AATK: variants seen among roughly 807,000 people sequenced by gnomAD.
AATK encodes the protein lemur tail kinase 1.
AATK carries 91 observed loss-of-function variants against 114.3 expected under a neutral mutation model. The observed-to-expected ratio is 0.80, with a 90% confidence interval of 0.67 to 0.95. The LOEUF is 0.95. Among genes scored for constraint, AATK ranks in the 40% least tolerant of loss-of-function variants. AATK has a pLI of 0.00. For missense variants in AATK, 2,176 were observed against 1,965.2 expected (o/e 1.11, Z -2.03); for synonymous variants, 1,075 against 916.5 (o/e 1.17, Z -3.12).
Position 81,120,025 on chromosome 17 carries a change from G to A in AATK, c.3794C>T (p.Thr1265Met), listed in dbSNP as rs1339095694. The change falls in exon 12 of 14, where the codon ACG (threonine) becomes ATG (methionine). Residue 1265 changes from threonine (T) to methionine (M), a missense_variant. By Grantham distance (81) the Thr-to-Met change is moderately conservative (BLOSUM62 -1). This residue lies in a region of AATK where 1,701 missense variants were observed against 1,394.7 expected (regional missense o/e 1.22). Coordinates refer to ENST00000326724, the MANE Select transcript of AATK (RefSeq NM_001080395.3). ...AGAGCCGGGGCTCCCCCTAAGGAAC[G>A]TAGGGGGCGATTCCTTGGCGCCCGG... The part of the protein sequence containing the change: ...PFPGAKESPP[T>M]FLRGSPGSPS... The A allele has an allele frequency of 2.1e-6, 3 of 1,453,526 alleles. No individual in the cohort carries two copies. The highest frequency in any genetic ancestry group is 2.7e-6 in the Non-Finnish European group (3 of 1,101,396). The allele number at this position is 1,453,526 out of a possible 1,614,324, so 90.0% of individuals were successfully genotyped here.
chr17:81,130,177 A>G (rs1324624673), intron 3 of AATK, among the ~76,000 whole-genome samples: 1 of 152,228 alleles, frequency 6.6e-6, no homozygotes, highest in East Asian at 1.9e-4. Flanking sequence ...GAGCCCCAAC[A>G]GGGCTGGCAG....
intron 2 of AATK, chr17:81,132,847 T>C: frequency 4.2e-6 from 1 of 235,294 alleles, no homozygotes; most frequent in Non-Finnish European, 8.9e-6. Flanking sequence ...GGTGCTGGAA[T>C]GTTCCGGGCA....
rs191727232 is a variant in AATK at position 81,138,012 on chromosome 17, G to A, written c.56-3511C>T. On this transcript the variant is annotated intron_variant, in intron 1 of 13. Transcript: ENST00000326724. ...TGCACACACCCCCACACACGTACACGCACCCACATGCACGCAAACCCACAC... is the reference window on the plus strand; with the variant it reads ...TGCACACACCCCCACACACGTACACACACCCACATGCACGCAAACCCACAC... Among the ~76,000 whole-genome samples, 35 of 134,704 alleles carry A rather than the reference G, an allele frequency of 2.6e-4. 1 individual carries two copies. Among genetic ancestry groups the A allele is most frequent in the South Asian group, 7.4e-4 (3 of 4,062 alleles). 88.4% of individuals were successfully genotyped at this position (134,704 alleles called of 152,430 possible).
chr17:81,151,678 A>C (rs1450840435), intron 1 of AATK, among the ~76,000 whole-genome samples: 1 of 152,168 alleles, frequency 6.6e-6, no homozygotes, highest in African/African-American at 2.4e-5. Context: ...ACACCGTCTC[A>C]ACACCATCAT....
chr17:81,120,175 G>C (rs1389748648), intron 11 of AATK, 26 bp downstream of exon 11: 2 of 1,545,416 alleles, frequency 1.3e-6, no homozygotes, highest in East Asian at 2.3e-5. Flanking sequence ...CCAGCCCCGG[G>C]CAGACCCCGG....
At chr17:81,131,944 G>A in intron 2 of AATK, 1 of 1,342,488 alleles carries the variant, frequency 7.4e-7, no homozygotes, top group Non-Finnish European at 9.9e-7. Context: ...CCTTCACCTG[G>A]TGGCCACACC....
chr17:81,120,572 C>T lies in AATK; in HGVS notation c.3364G>A (p.Gly1122Arg). The change falls in exon 11 of 14, where the codon GGA (glycine) becomes AGA (arginine). Residue 1122 changes from glycine to arginine, a missense_variant. Physicochemically the swap from Gly to Arg is moderately radical, Grantham distance 125. Around this residue, in one of 4 missense-constraint regions of AATK, gnomAD observed 1,701 missense variants for 1,394.7 expected, o/e 1.22. Coordinates refer to ENST00000326724, the MANE Select transcript of AATK (RefSeq NM_001080395.3). ...TGTGGGGCCGGCCCTGACAACAGTC[C>T]TGGGGGCCCCTGGAACTCAGAGCTG... ...GNSSEFQGPP[G>R]LLSGPAPQKR... 6.5e-7 allele frequency: 1 copy of T among 1,528,654 alleles called. No homozygotes were observed. Among genetic ancestry groups the T allele is most frequent in the Non-Finnish European group, 8.8e-7 (1 of 1,140,606 alleles). The allele number at this position is 1,528,654 out of a possible 1,614,324, so 94.7% of individuals were successfully genotyped here.
At position 81,121,851 on chromosome 17, in the gene AATK, G is replaced by A. The variant is rs771726396; in HGVS notation, c.2085C>T (p.Ser695=). The A allele has an allele frequency of 1.1e-5, 18 of 1,596,624 alleles. No individual in the cohort carries two copies. The highest frequency in any genetic ancestry group is 5.3e-5 in the African/African-American group (4 of 74,826). ...GGCCGCCCGCAGAGACGGGGTCCCA[G>A]GACTCTGGACAGCGGCTGCCGCTGT... ...NNNSGSRCPE[S]WDPVSAGGHA... Residue 695 remains serine, a synonymous_variant, in exon 11 of 14, where the codon TCC becomes TCT. Coordinates refer to ENST00000326724, the MANE Select transcript of AATK (RefSeq NM_001080395.3).
intron 1 of AATK, among the ~76,000 whole-genome samples, chr17:81,139,300 GC>G (rs1258769945): frequency 6.6e-6 from 1 of 152,176 alleles, no homozygotes; most frequent in African/African-American, 2.4e-5. Context: ...CTTGGGACCA[GC>G]CCCCACTAGC....
In AATK at chr17:81,122,819, C is replaced by T; in HGVS notation, c.1117G>A (p.Glu373Lys). Residue 373 changes from glutamate to lysine, a missense_variant, in exon 11 of 14, where the codon GAG (glutamate) becomes AAG (lysine). This residue lies in a region of AATK where 273 missense variants were observed against 344.1 expected (regional missense o/e 0.79). Transcript: ENST00000326724. Reference sequence around the variant, plus strand: ...TGCAGCCAGCAGAACTGCATCACCTCGTACCTGCGAGGAGGTCCCCCGGGG... The same window carrying T: ...TGCAGCCAGCAGAACTGCATCACCTTGTACCTGCGAGGAGGTCCCCCGGGG... ...LQLTLSDRWYEVMQFCWLQPE... is the reference protein window; with the variant it reads ...LQLTLSDRWYKVMQFCWLQPE... 2 of 1,538,552 alleles carry T rather than the reference C, an allele frequency of 1.3e-6. No individual in the cohort carries two copies. The highest frequency in any genetic ancestry group is 1.8e-6 in the Non-Finnish European group (2 of 1,139,692).
intron 13 of AATK, among the ~76,000 whole-genome samples, chr17:81,118,952 A>C (rs1288041791): frequency 6.6e-6 from 1 of 152,148 alleles, no homozygotes; most frequent in African/African-American, 2.4e-5. Context: ...CGGATAGTGG[A>C]GGGCCATGGC....
At chr17:81,142,258 CT>C (rs897410344) in intron 1 of AATK, among the ~76,000 whole-genome samples, 3 of 149,590 alleles carry the variant, frequency 2.0e-5, no homozygotes, top group Non-Finnish European at 4.4e-5. Context: ...CAGGCCCGCT[CT>C]TTTTTTTCTT....
At chr17:81,144,619 C>T (rs1028816351) in intron 1 of AATK, among the ~76,000 whole-genome samples, 4 of 152,250 alleles carry the variant, frequency 2.6e-5, no homozygotes, top group Admixed American at 2.0e-4. Context: ...ACATTTCCAG[C>T]GTGGGAGGAG....
Position 81,121,445 on chromosome 17 carries a change from T to C in AATK, c.2491A>G (p.Thr831Ala), listed in dbSNP as rs759501395. The C allele has an allele frequency of 1.3e-6, 2 of 1,597,704 alleles. No individual in the cohort carries two copies. Among genetic ancestry groups the C allele is most frequent in the East Asian group, 2.3e-5 (1 of 44,350 alleles). Residue 831 changes from threonine (T) to alanine (A), a missense_variant, in exon 11 of 14, where the codon ACT (threonine) becomes GCT (alanine). Physicochemically the swap from Thr to Ala is moderately conservative, Grantham distance 58. Around this residue, in one of 4 missense-constraint regions of AATK, gnomAD observed 1,701 missense variants for 1,394.7 expected, o/e 1.22. Transcript: ENST00000326724. Reference protein sequence around the residue: ...DALPDSPTPATGGEVSAIKLA... With the variant: ...DALPDSPTPAAGGEVSAIKLA... ...TTGATGGCAGACACCTCGCCACCAGTAGCAGGCGTGGGAGAGTCAGGCAGG... is the reference window on the plus strand; with the variant it reads ...TTGATGGCAGACACCTCGCCACCAGCAGCAGGCGTGGGAGAGTCAGGCAGG...
At chr17:81,158,035 G>A (rs2061387604) in intron 1 of AATK, among the ~76,000 whole-genome samples, 1 of 152,258 alleles carries the variant, frequency 6.6e-6, no homozygotes, top group African/African-American at 2.4e-5. Context: ...GGGGCTGCTG[G>A]GCTCAGGCTT....
chr17:81,157,320 G>A (rs748869732), intron 1 of AATK, among the ~76,000 whole-genome samples: 7 of 152,202 alleles, frequency 4.6e-5, no homozygotes, highest in Non-Finnish European at 8.8e-5. Flanking sequence ...CGCGGGCACC[G>A]CACCAGCCCA....
At chr17:81,149,627 G>A (rs996178625) in intron 1 of AATK, among the ~76,000 whole-genome samples, 98 of 152,140 alleles carry the variant, frequency 6.4e-4, no homozygotes, top group African/African-American at 2.3e-3. Context: ...ACTGCCCGCG[G>A]CACCCCCAGC....
intron 1 of AATK, among the ~76,000 whole-genome samples, chr17:81,159,887 G>A (rs940035288): frequency 6.6e-6 from 1 of 152,138 alleles, no homozygotes; most frequent in Admixed American, 6.5e-5. Context: ...CAGGGACAGG[G>A]AGGGGTCTTC....
chr17:81,149,626 G>A (rs1015597236), intron 1 of AATK, among the ~76,000 whole-genome samples: 1 of 152,038 alleles, frequency 6.6e-6, no homozygotes, highest in Non-Finnish European at 1.5e-5. Context: ...CACTGCCCGC[G>A]GCACCCCCAG....
Sources: gnomAD v4.1 joint callset for allele counts (sites outside exome capture counted in the v4.1 genomes callset) on GRCh38, gnomAD v4.1.1 for gene constraint, gnomAD v4.1.1 regional missense constraint, MANE v1.5 for transcripts, NCBI Gene and HGNC (gene_info 2026-07-23, HGNC 2026-07-21) for gene names.